Variants in CRYBG1 observed in about 807,000 individuals in gnomAD.
CRYBG1 encodes the protein beta/gamma crystallin domain-containing protein 1.
In CRYBG1, 139 loss-of-function variants were observed where a neutral mutation model predicts 189.2. That is an observed-to-expected ratio of 0.73 (90% confidence interval 0.64 to 0.85). The LOEUF (loss-of-function observed/expected upper bound fraction) is 0.85, where lower values mean the gene tolerates loss of function less well. Among genes scored for constraint, CRYBG1 ranks in the 40% least tolerant of loss-of-function variants. CRYBG1 has a pLI of 0.00. For missense variants in CRYBG1, 2,611 were observed against 2,675.8 expected (o/e 0.98, Z 0.53); for synonymous variants, 1,023 against 1,017.1 (o/e 1.01, Z -0.11).
chr6:106,542,578 C>A (rs12208356), intron 10 of CRYBG1, among the ~76,000 whole-genome samples: 16,228 of 147,126 alleles, frequency 0.11, 787 homozygotes, highest in South Asian at 0.18. Context: ...CTGTGCCTGG[C>A]CTAGTTAATT....
chr6:106,560,441 G>A (rs1774682785), intron 18 of CRYBG1, among the ~76,000 whole-genome samples: 1 of 152,164 alleles, frequency 6.6e-6, no homozygotes, highest in South Asian at 2.1e-4. Context: ...CACCTACTAA[G>A]AGCTTTGGAA....
intron 1 of CRYBG1, among the ~76,000 whole-genome samples, chr6:106,387,235 T>C (rs1014236446): frequency 6.6e-6 from 1 of 152,182 alleles, no homozygotes; most frequent in Non-Finnish European, 1.5e-5. Flanking sequence ...TATTGAATTA[T>C]CAGAATTTCC....
chr6:106,543,564 C>T lies in CRYBG1; in HGVS notation c.5006C>T (p.Thr1669Met), dbSNP rs557753210. The change falls in exon 11 of 22, where the codon ACG becomes ATG. Residue 1669 changes from threonine to methionine, a missense_variant. Thr to Met is a moderately conservative substitution (Grantham distance 81). Transcript: ENST00000633556. Reference protein sequence around the residue: ...EATGDDHLPFTSVGSMKVLRG... With the variant: ...EATGDDHLPFMSVGSMKVLRG... ...ACTGGAGACGATCATTTGCCGTTTA[C>T]GTCAGTGGGGTCTATGAAAGTTCTA... 9.3e-6 allele frequency: 15 copies of T among 1,613,976 alleles called. No homozygotes were observed. Among genetic ancestry groups the T allele is most frequent in the Admixed American group, 8.3e-5 (5 of 60,014 alleles).
chr6:106,492,987 C>G (rs1019753589), intron 2 of CRYBG1, among the ~76,000 whole-genome samples: 1 of 144,574 alleles, frequency 6.9e-6, no homozygotes, highest in South Asian at 2.2e-4. Context: ...TTTTTTTTTA[C>G]TTTTAGGAGA....
chr6:106,504,640 CGTGTGTGTGTTT>C (rs1362250927), intron 2 of CRYBG1, among the ~76,000 whole-genome samples: 3 of 151,068 alleles, frequency 2.0e-5, no homozygotes, highest in Non-Finnish European at 4.4e-5. Flanking sequence ...TTTTGCTGTG[CGTGTGTGTGTTT>C]GTGTGTGTGT....
intron 2 of CRYBG1, among the ~76,000 whole-genome samples, chr6:106,491,870 T>C (rs1259703744): frequency 6.6e-6 from 1 of 152,186 alleles, no homozygotes; most frequent in African/African-American, 2.4e-5. Flanking sequence ...TCTCAAGGCT[T>C]TCCCCAAACG....
At chr6:106,540,462 CA>C (rs1456211189) in intron 9 of CRYBG1, among the ~76,000 whole-genome samples, 1 of 152,152 alleles carries the variant, frequency 6.6e-6, no homozygotes, top group African/African-American at 2.4e-5. Context: ...GGTCTTAATG[CA>C]AATGATTTGG....
chr6:106,400,156 A>AAAAG (rs764916473), intron 1 of CRYBG1, among the ~76,000 whole-genome samples: 115 of 143,924 alleles, frequency 8.0e-4, no homozygotes, highest in Admixed American at 2.7e-3. Context: ...AAAAAAAAAA[A>AAAAG]AGAGAGAGAG....
intron 2 of CRYBG1, among the ~76,000 whole-genome samples, chr6:106,479,770 T>A (rs941397860): frequency 6.6e-6 from 1 of 152,248 alleles, no homozygotes; most frequent in Non-Finnish European, 1.5e-5. Flanking sequence ...TAATTAGGGT[T>A]ATTTGTATTT....
rs145147146 is a variant in CRYBG1 at position 106,544,698 on chromosome 6, G to A, written c.5166+1G>A. 1.1e-5 allele frequency: 18 copies of A among 1,613,078 alleles called. No individual in the cohort carries two copies. Among genetic ancestry groups the A allele is most frequent in the East Asian group, 2.2e-5 (1 of 44,874 alleles). ...TCAGTCTTTACGACCTATATTAGGTGTAAGTAAAGGACAAGCTAATGGCTA... is the reference window on the plus strand; with the variant it reads ...TCAGTCTTTACGACCTATATTAGGTATAAGTAAAGGACAAGCTAATGGCTA... On this transcript the variant is annotated splice_donor_variant, in intron 12 of 21. Coordinates refer to ENST00000633556, the MANE Select transcript of CRYBG1 (RefSeq NM_001371242.2). LOFTEE classifies it high-confidence loss of function.
chr6:106,489,158 G>A (rs1772659482), intron 2 of CRYBG1, among the ~76,000 whole-genome samples: 3 of 152,196 alleles, frequency 2.0e-5, no homozygotes. Flanking sequence ...GTGTGGCAGA[G>A]GCAGGATTCC....
intron 2 of CRYBG1, among the ~76,000 whole-genome samples, chr6:106,479,210 C>A (rs914026057): frequency 6.6e-6 from 1 of 152,178 alleles, no homozygotes; most frequent in Non-Finnish European, 1.5e-5. Flanking sequence ...ATTTTCAATT[C>A]TCTTGAGTAT....
At chr6:106,414,035 G>A (rs532172192) in intron 1 of CRYBG1, among the ~76,000 whole-genome samples, 1 of 152,228 alleles carries the variant, frequency 6.6e-6, no homozygotes. Context: ...ATTTCCTTTA[G>A]CATCCGACTC....
At chr6:106,490,119 A>G (rs968379447) in intron 2 of CRYBG1, among the ~76,000 whole-genome samples, 3 of 152,240 alleles carry the variant, frequency 2.0e-5, no homozygotes, top group Non-Finnish European at 4.4e-5. Flanking sequence ...CCCTCTCAGA[A>G]TGTCTACCTA....
At chr6:106,385,614 T>C (rs770050997) in intron 1 of CRYBG1, among the ~76,000 whole-genome samples, 19 of 152,212 alleles carry the variant, frequency 1.2e-4, no homozygotes, top group Non-Finnish European at 2.5e-4. Flanking sequence ...TCCTGAAAAC[T>C]ATATCGCACA....
At chr6:106,510,570 G>A (rs759909834) in intron 2 of CRYBG1, among the ~76,000 whole-genome samples, 1 of 151,314 alleles carries the variant, frequency 6.6e-6, no homozygotes, top group Non-Finnish European at 1.5e-5. Context: ...CCAGCCGTGC[G>A]ACCCCGGAAC....
At chr6:106,562,263 TG>T (rs1289555415) in intron 20 of CRYBG1, among the ~76,000 whole-genome samples, 1 of 152,202 alleles carries the variant, frequency 6.6e-6, no homozygotes, top group Non-Finnish European at 1.5e-5. Context: ...AAGTACTGTT[TG>T]GACATGCATA....
At chr6:106,364,746 G>T (rs1181549650) in intron 1 of CRYBG1, among the ~76,000 whole-genome samples, 1 of 152,210 alleles carries the variant, frequency 6.6e-6, no homozygotes, top group Non-Finnish European at 1.5e-5. Flanking sequence ...TGTGAATAAT[G>T]TGCTCAGAAT....
At chr6:106,477,520 A>T (rs1427583911) in intron 2 of CRYBG1, among the ~76,000 whole-genome samples, 1 of 152,210 alleles carries the variant, frequency 6.6e-6, no homozygotes, top group Non-Finnish European at 1.5e-5. Flanking sequence ...ATCTTAGTTA[A>T]CAAACTGAGG....
Sources: gnomAD v4.1 joint callset for allele counts (sites outside exome capture counted in the v4.1 genomes callset) on GRCh38, gnomAD v4.1.1 for gene constraint, MANE v1.5 for transcripts, NCBI Gene and HGNC (gene_info 2026-07-23, HGNC 2026-07-21) for gene names.